Variants in TCF7L1 observed in about 807,000 individuals in gnomAD.
TCF7L1 encodes transcription factor 7-like 1.
A neutral mutation model predicts 63.7 loss-of-function variants in TCF7L1; 18 were observed. The observed-to-expected ratio is 0.28, with a 90% CI of 0.20 to 0.42. The LOEUF is 0.42. Ranked by LOEUF, TCF7L1 falls within the 10% of genes least tolerant of loss-of-function variation. The pLI is 1.00. For synonymous variants in TCF7L1, 355 were observed against 340.9 expected (o/e 1.04, Z -0.46); for missense variants, 654 against 779.3 (o/e 0.84, Z 1.91).
intron 3 of TCF7L1, among the ~76,000 whole-genome samples, chr2:85,266,354 AT>A (rs1425783093): frequency 3.9e-5 from 6 of 152,242 alleles, no homozygotes; most frequent in African/African-American, 1.4e-4. Context: ...CCACCAGGGT[AT>A]TAAAAAGTGC....
chr2:85,175,122 G>A (rs912580512), intron 3 of TCF7L1, among the ~76,000 whole-genome samples: 1 of 152,188 alleles, frequency 6.6e-6, no homozygotes, highest in Non-Finnish European at 1.5e-5. Flanking sequence ...GTGAATGCTG[G>A]CTGGCTGAGT....
intron 4 of TCF7L1, among the ~76,000 whole-genome samples, chr2:85,285,930 G>A (rs1371315962): frequency 6.6e-6 from 1 of 152,188 alleles, no homozygotes; most frequent in Admixed American, 6.5e-5. Flanking sequence ...GGTGGCTCAC[G>A]CCTGTAATCC....
chr2:85,195,170 C>G (rs1679126589), intron 3 of TCF7L1, among the ~76,000 whole-genome samples: 1 of 152,256 alleles, frequency 6.6e-6, no homozygotes, highest in South Asian at 2.1e-4. Flanking sequence ...CTTTTCTCTG[C>G]CTACATTTTC....
intron 3 of TCF7L1, among the ~76,000 whole-genome samples, chr2:85,283,273 C>A (rs1018892356): frequency 2.0e-5 from 3 of 151,050 alleles, no homozygotes; most frequent in Admixed American, 1.3e-4. Flanking sequence ...TGTCCCCCCC[C>A]CCAAAATGAC....
intron 3 of TCF7L1, among the ~76,000 whole-genome samples, chr2:85,231,804 G>A (rs1222376269): frequency 1.3e-5 from 2 of 152,152 alleles, no homozygotes; most frequent in Non-Finnish European, 1.5e-5. Flanking sequence ...TTGTGTTGGT[G>A]GGTTTATCTC....
Position 85,265,484 on chromosome 2 carries a change from C to G in TCF7L1, c.442-18011C>G, listed in dbSNP as rs145264443. Among the ~76,000 whole-genome samples, 1,367 of 152,264 alleles carry G rather than the reference C, an allele frequency of 9.0e-3. 16 individuals are homozygous for G. Among genetic ancestry groups the G allele is most frequent in the African/African-American group, 0.031 (1,306 of 41,546 alleles). ...GACCTTCCCCCAGAGGGGAATCCCTCTGGAAGGGAAAGAGTGGAGGAGAGT... is the reference window on the plus strand; with the variant it reads ...GACCTTCCCCCAGAGGGGAATCCCTGTGGAAGGGAAAGAGTGGAGGAGAGT... On this transcript the variant is annotated intron_variant, in intron 3 of 11. Transcript: ENST00000282111.
At chr2:85,256,802 T>C (rs1053406975) in intron 3 of TCF7L1, among the ~76,000 whole-genome samples, 2 of 151,976 alleles carry the variant, frequency 1.3e-5, no homozygotes, top group African/African-American at 4.8e-5. Context: ...CTGGCCAACA[T>C]GGCGAAACCA....
chr2:85,219,780 A>G (rs1679803084), intron 3 of TCF7L1, among the ~76,000 whole-genome samples: 1 of 152,216 alleles, frequency 6.6e-6, no homozygotes, highest in African/African-American at 2.4e-5. Flanking sequence ...ATTTATAAGA[A>G]TGTTTGTAAC....
intron 3 of TCF7L1, among the ~76,000 whole-genome samples, chr2:85,155,538 G>C (rs1678124478): frequency 6.6e-6 from 1 of 152,200 alleles, no homozygotes; most frequent in Non-Finnish European, 1.5e-5. Flanking sequence ...GTGCTCCACA[G>C]AACCCACTTT....
intron 3 of TCF7L1, among the ~76,000 whole-genome samples, chr2:85,253,640 A>G (rs1462982052): frequency 6.6e-6 from 1 of 152,230 alleles, no homozygotes; most frequent in Non-Finnish European, 1.5e-5. Context: ...GTGTCACAAC[A>G]GAAGAACAGT....
chr2:85,148,824 A>G (rs1478382894), intron 3 of TCF7L1, among the ~76,000 whole-genome samples: 2 of 145,154 alleles, frequency 1.4e-5, no homozygotes, highest in Admixed American at 7.0e-5. Flanking sequence ...TCCGGGCTGA[A>G]GTGAAGTGGC....
intron 3 of TCF7L1, among the ~76,000 whole-genome samples, chr2:85,158,261 A>G (rs973020308): frequency 1.3e-5 from 2 of 152,116 alleles, no homozygotes; most frequent in Non-Finnish European, 1.5e-5. Context: ...AAATGACTTC[A>G]TTTAACTTCC....
chr2:85,307,153 G>A (rs1223765826), intron 10 of TCF7L1, among the ~76,000 whole-genome samples: 1 of 137,014 alleles, frequency 7.3e-6, no homozygotes, highest in Non-Finnish European at 1.6e-5. Context: ...GTGGTAGGAA[G>A]AGTTGTCTCC....
intron 3 of TCF7L1, among the ~76,000 whole-genome samples, chr2:85,222,575 T>C (rs1017138248): frequency 2.7e-5 from 4 of 146,210 alleles, no homozygotes; most frequent in African/African-American, 1.0e-4. Context: ...GAGGCTGAGT[T>C]GTGAGGATTG....
Position 85,306,475 on chromosome 2 carries a change from A to G in TCF7L1, c.1173A>G (p.Glu391=), listed in dbSNP as rs1191424901. The G allele has an allele frequency of 3.1e-6, 5 of 1,613,990 alleles. No individual in the cohort carries two copies. The highest frequency in any genetic ancestry group is 3.4e-6 in the Non-Finnish European group (4 of 1,180,038). The change falls in exon 10 of 12, where the codon GAA becomes GAG. Residue 391 remains glutamate, a synonymous_variant. Transcript: ENST00000282111. The surrounding 1 kb of genome is among the most constrained non-coding windows in gnomAD (Gnocchi z 4.3). ...AGTGGCACAACCTGTCTCGAGAAGAACAGGCCAAGTACTACGAGCTGGCCC... is the reference window on the plus strand; with the variant it reads ...AGTGGCACAACCTGTCTCGAGAAGAGCAGGCCAAGTACTACGAGCTGGCCC... ...GRKWHNLSRE[E]QAKYYELARK...
intron 4 of TCF7L1, among the ~76,000 whole-genome samples, chr2:85,283,933 A>G (rs984799668): frequency 6.6e-6 from 1 of 152,232 alleles, no homozygotes; most frequent in Non-Finnish European, 1.5e-5. Flanking sequence ...GTTGAGGCTT[A>G]CCCAGAATTG....
intron 3 of TCF7L1, among the ~76,000 whole-genome samples, chr2:85,218,163 A>G (rs938454616): frequency 1.3e-5 from 2 of 152,056 alleles, no homozygotes; most frequent in Non-Finnish European, 2.9e-5. Flanking sequence ...TTTTCAAAGC[A>G]CTATAATTAA....
chr2:85,285,058 A>C (rs535419466), intron 4 of TCF7L1, among the ~76,000 whole-genome samples: 2 of 152,088 alleles, frequency 1.3e-5, no homozygotes, highest in East Asian at 1.9e-4. Context: ...ACGGTGAAAC[A>C]CCGTCTCTAC....
At chr2:85,301,572 T>TTTTC (rs3068346) in intron 4 of TCF7L1, among the ~76,000 whole-genome samples, 10,535 of 152,284 alleles carry the variant, frequency 0.069, 469 homozygotes, top group African/African-American at 0.12. Context: ...GTGCCAGCGT[T>TTTTC]TTTCTCAATA....
Sources: allele counts gnomAD v4.1 joint callset (sites outside exome capture counted in the v4.1 genomes callset), GRCh38; gene constraint gnomAD v4.1.1; non-coding constraint Gnocchi (gnomAD v3.1); transcripts MANE v1.5; gene names NCBI Gene and HGNC (gene_info 2026-07-23, HGNC 2026-07-21).